The following NUP153 variants were observed in gnomAD, a reference collection of about 807,000 sequenced individuals.
The protein encoded by NUP153 is nucleoporin 153, also known as nuclear pore complex protein Nup153.
Under a neutral mutation model 134.6 loss-of-function variants are expected in NUP153, and 27 were observed. The observed-to-expected ratio is 0.20, with a 90% CI of 0.15 to 0.28. The LOEUF is 0.28. NUP153 is among the 10% of genes least tolerant of loss of function. The probability of loss-of-function intolerance (pLI) is 1.00; values close to 1 mark genes in which losing one functional copy is unlikely to be tolerated. For missense variants in NUP153, 1,821 were observed against 1,731.3 expected, an observed-to-expected ratio of 1.05 and a Z score of -0.92; for synonymous variants, 640 against 623.5, an observed-to-expected ratio of 1.03 and a Z score of -0.40.
chr6:17,676,699 A>C (rs905947259), intron 2 of NUP153, among the ~76,000 whole-genome samples: 11 of 152,272 alleles, frequency 7.2e-5, no homozygotes, highest in South Asian at 2.1e-4. Context: ...ACAAAAAAAA[A>C]CTCACAAGGT....
Position 17,669,292 on chromosome 6 carries a change from C to A in NUP153, c.1014+1G>T. ...GTAAAAAGGTTTAAATCTCAACTTA[C>A]AGAATTCAGAGGAGAAGAAACAATG... On this transcript the variant is annotated splice_donor_variant, in intron 7 of 21. Transcript: ENST00000262077. LOFTEE classifies it high-confidence loss of function. 1 of 1,609,270 alleles carries A rather than the reference C, an allele frequency of 6.2e-7. No individual in the cohort carries two copies. Among genetic ancestry groups the A allele is most frequent in the Non-Finnish European group, 8.5e-7 (1 of 1,176,102 alleles).
chr6:17,696,582 C>T (rs1436076913), intron 1 of NUP153, among the ~76,000 whole-genome samples: 3 of 151,938 alleles, frequency 2.0e-5, no homozygotes, highest in East Asian at 1.9e-4. Flanking sequence ...GGTGAAACCC[C>T]GTCTCTATTA....
intron 11 of NUP153, among the ~76,000 whole-genome samples, chr6:17,656,465 C>T (rs1766827746): frequency 6.6e-6 from 1 of 152,068 alleles, no homozygotes; most frequent in African/African-American, 2.4e-5. Context: ...GACAGAGTCT[C>T]CCCAGCTGGG....
At chr6:17,650,751 A>C (rs1319523930) in intron 11 of NUP153, among the ~76,000 whole-genome samples, 1 of 152,070 alleles carries the variant, frequency 6.6e-6, no homozygotes, top group Non-Finnish European at 1.5e-5. Flanking sequence ...GCAAACAAAA[A>C]CTTTTTTCTC....
chr6:17,675,250 A>G lies in NUP153; in HGVS notation c.702T>C (p.Ser234=), dbSNP rs766836100. The part of the protein sequence containing the change: ...TSSKKPAFNL[S]AFGTLSPSLG... ...TCACAGGGGAAAGTGTTCCAAAGGCAGACAAGTTGAATGCTGGTTTTTTTG... is the reference window on the plus strand; with the variant it reads ...TCACAGGGGAAAGTGTTCCAAAGGCGGACAAGTTGAATGCTGGTTTTTTTG... Residue 234 remains serine (S), a synonymous_variant, in exon 4 of 22, where the codon TCT becomes TCC. Coordinates refer to ENST00000262077, the MANE Select transcript of NUP153 (RefSeq NM_005124.4). This position sits in a 1 kb window ranked among gnomAD's most constrained non-coding sequence, Gnocchi z 4.4. The G allele has an allele frequency of 6.2e-7, 1 of 1,614,174 alleles. No individual in the cohort carries two copies. The highest frequency in any genetic ancestry group is 1.1e-5 in the South Asian group (1 of 91,078).
chr6:17,657,455 T>C (rs1222741672), intron 11 of NUP153, among the ~76,000 whole-genome samples: 1 of 151,066 alleles, frequency 6.6e-6, no homozygotes, highest in East Asian at 1.9e-4. Context: ...TCCCAGCTAC[T>C]TGGGAGGCTG....
chr6:17,697,502 A>G (rs1769728676), intron 1 of NUP153, among the ~76,000 whole-genome samples: 1 of 152,212 alleles, frequency 6.6e-6, no homozygotes, highest in Non-Finnish European at 1.5e-5. Context: ...CCTGGCCAAC[A>G]TGGCGAAACC....
At position 17,640,088 on chromosome 6, in the gene NUP153, A is replaced by T. The variant is rs1203568011; in HGVS notation, c.1721-24T>A. 3 of 1,502,752 alleles carry T rather than the reference A, an allele frequency of 2.0e-6. No homozygotes were observed. The South Asian group carries it at 3.9e-5, about 20-fold the overall frequency. 93.1% of individuals were successfully genotyped at this position (1,502,752 alleles called of 1,614,324 possible). A position where few individuals can be genotyped will look rare whatever the true frequency, so the allele number is the denominator to read the frequency against. ...AGCTGTAATTTTTTTAAATTTAATA[A>T]CATTATGCCAAATAAAACACTGGAC... is the stretch of plus-strand genomic sequence containing the variant. On this transcript the variant is annotated intron_variant, in intron 14 of 21. Coordinates refer to ENST00000262077, the MANE Select transcript of NUP153 (RefSeq NM_005124.4).
chr6:17,706,420 G>C lies in NUP153; in HGVS notation c.-33C>G. The C allele has an allele frequency of 6.4e-7, 1 of 1,560,582 alleles. No homozygotes were observed. The highest frequency in any genetic ancestry group is 8.8e-7 in the Non-Finnish European group (1 of 1,138,610). ...CCTCCGCCGCTTCCCGCTCCGGGGC[G>C]GGTAAGGGGGCGGGAGAGGCAGAGG... On this transcript the variant is annotated 5_prime_UTR_variant, in exon 1 of 22. Transcript: ENST00000262077. The surrounding 1 kb of genome is among the most constrained non-coding windows in gnomAD (Gnocchi z 5.9).
intron 18 of NUP153, 43 bp from the exon 19 acceptor site, chr6:17,626,207 T>C (rs1035641050): frequency 2.7e-6 from 4 of 1,489,684 alleles, no homozygotes; most frequent in Admixed American, 1.8e-5. Flanking sequence ...TCCTTAAGAA[T>C]AGTCTCAGAA....
At chr6:17,661,544 A>T in intron 11 of NUP153, 109 bp downstream of exon 11, 1 of 979,676 alleles carries the variant, frequency 1.0e-6, no homozygotes, top group Non-Finnish European at 1.4e-6. Flanking sequence ...ATAGCAGATT[A>T]ATTTTGCTCT....
In NUP153 at chr6:17,647,834, A is replaced by C. The variant is rs755057853; in HGVS notation, c.1605T>G (p.Thr535=). Residue 535 remains threonine, a synonymous_variant, in exon 13 of 22, where the codon ACT becomes ACG. Coordinates refer to ENST00000262077, the MANE Select transcript of NUP153 (RefSeq NM_005124.4). The part of the protein sequence containing the change: ...FKFSSPIVKS[T]EANVLPPSSI... ...ATGATGGAGGTAGTACATTTGCCTC[A>C]GTAGATTTTACGATTGGAGATGAAA... 1.7e-5 allele frequency: 27 copies of C among 1,610,398 alleles called. No individual in the cohort carries two copies. Among genetic ancestry groups the C allele is most frequent in the Non-Finnish European group, 2.1e-5 (25 of 1,176,732 alleles).
chr6:17,669,363 A>G (rs1281777642), intron 6 of NUP153, 26 bp from the exon 7 acceptor site: 1 of 1,604,652 alleles, frequency 6.2e-7, no homozygotes, highest in Admixed American at 1.7e-5. Flanking sequence ...AAATAACAAA[A>G]TTAAGATTTT....
intron 20 of NUP153, 87 bp downstream of exon 20, chr6:17,624,474 A>C: frequency 1.6e-6 from 2 of 1,246,010 alleles, no homozygotes; most frequent in Non-Finnish European, 2.3e-6. Context: ...TTAAAATTAG[A>C]CATATGAATG....
In NUP153 at chr6:17,637,358, A is replaced by G. The variant is rs780954046; in HGVS notation, c.2259T>C (p.Cys753=). 5.6e-6 allele frequency: 9 copies of G among 1,614,088 alleles called. No homozygotes were observed. The highest frequency in any genetic ancestry group is 1.1e-5 in the South Asian group (1 of 91,086). Residue 753 remains cysteine (C), a synonymous_variant, in exon 16 of 22, where the codon TGT becomes TGC. Transcript: ENST00000262077. ...CTGTCAATGTAAGGGCTCGCTTCAC[A>G]CAAGTTCCAGGTTTCGGTGTTTCAC... is the stretch of plus-strand genomic sequence containing the variant. ...VACETPKPGT[C]VKRALTLTVV... is the part of the protein sequence containing the mutation.
At chr6:17,686,545 G>A (rs918181926) in intron 2 of NUP153, among the ~76,000 whole-genome samples, 10 of 151,656 alleles carry the variant, frequency 6.6e-5, no homozygotes, top group Admixed American at 5.9e-4. Context: ...ACAGGCATGT[G>A]CCACCATGCC....
intron 5 of NUP153, among the ~76,000 whole-genome samples, chr6:17,671,295 C>T (rs1005005473): frequency 3.3e-5 from 5 of 151,890 alleles, no homozygotes; most frequent in African/African-American, 9.7e-5. Flanking sequence ...ATTTTGGTCT[C>T]GGGGTAATAA....
At chr6:17,698,865 T>C (rs908494081) in intron 1 of NUP153, among the ~76,000 whole-genome samples, 3 of 150,144 alleles carry the variant, frequency 2.0e-5, no homozygotes, top group Non-Finnish European at 4.4e-5. Context: ...AGAGTGACAC[T>C]GTCTTAAAAA....
chr6:17,674,959 G>A lies in NUP153; in HGVS notation c.798C>T (p.Tyr266=), dbSNP rs750932232. The change falls in exon 5 of 22, where the codon TAC becomes TAT. Residue 266 remains tyrosine, a synonymous_variant. Transcript: ENST00000262077. ...GTCTTACAGCAGCTGCTGCCCCACC[G>A]TATGTTGTTTTTCCAGGATAAAAAG... The part of the protein sequence containing the change: ...DSPFYPGKTT[Y]GGAAAAVRQS... 39 of 1,613,358 alleles carry A rather than the reference G, an allele frequency of 2.4e-5. No homozygotes were observed. Among genetic ancestry groups the A allele is most frequent in the East Asian group, 4.5e-5 (2 of 44,870 alleles).
Sources: gnomAD v4.1 joint callset for allele counts (sites outside exome capture counted in the v4.1 genomes callset) on GRCh38, gnomAD v4.1.1 for gene constraint, Gnocchi (gnomAD v3.1) non-coding constraint, MANE v1.5 for transcripts, NCBI Gene and HGNC (gene_info 2026-07-23, HGNC 2026-07-21) for gene names.